PCDHGA5: variants seen among roughly 807,000 people sequenced by gnomAD.
The protein encoded by PCDHGA5 is protocadherin gamma-A5.
PCDHGA5 carries 36 observed loss-of-function variants against 56.7 expected under a neutral mutation model. The ratio of observed to expected loss-of-function variants is 0.64; its 90% confidence interval spans 0.49 to 0.84. The LOEUF (loss-of-function observed/expected upper bound fraction) is 0.84. PCDHGA5 is among the 40% of genes least tolerant of loss of function. PCDHGA5 has a pLI of 0.00. For synonymous variants in PCDHGA5, 563 were observed against 520.2 expected (o/e 1.08, Z -1.12); for missense variants, 1,305 against 1,201.5 (o/e 1.09, Z -1.27).
intron 1 of PCDHGA5, chr5:141,479,478 G>T (rs760475025): frequency 2.6e-5 from 4 of 152,408 alleles, no homozygotes; most frequent in African/African-American, 9.6e-5. Context: ...TCTTGGGAGG[G>T]CAGGACCATC....
In PCDHGA5 at chr5:141,511,360, T is replaced by C; in HGVS notation, c.*187T>C. The C allele has an allele frequency of 7.5e-7, 1 of 1,333,050 alleles. No individual in the cohort carries two copies. Among genetic ancestry groups the C allele is most frequent in the Non-Finnish European group, 1.0e-6 (1 of 994,882 alleles). 82.6% of individuals were successfully genotyped at this position (1,333,050 alleles called of 1,614,324 possible). On this transcript the variant is annotated 3_prime_UTR_variant, in exon 4 of 4. Transcript: ENST00000518069. ...ACCTACCCCTTCCCCCCCAGGGGGT[T>C]GAATATGCAAAAGCAGTTCCGCTGG...
chr5:141,427,481 C>G, intron 1 of PCDHGA5: 2 of 534,060 alleles, frequency 3.7e-6, no homozygotes, highest in Non-Finnish European at 7.2e-6. Flanking sequence ...CCAATAATGA[C>G]TATAAGCTTG....
At chr5:141,376,221 C>A (rs919176873) in intron 1 of PCDHGA5, 8 of 1,614,216 alleles carry the variant, frequency 5.0e-6, no homozygotes, top group Middle Eastern at 1.7e-4. Context: ...GTGCTGCTGG[C>A]GCTCAGACTG....
chr5:141,414,184 G>C (rs1228749194), intron 1 of PCDHGA5: 3 of 1,609,416 alleles, frequency 1.9e-6, no homozygotes, highest in Non-Finnish European at 2.5e-6. Flanking sequence ...AACTGCAAAA[G>C]TGTTGATTAC....
In PCDHGA5 at chr5:141,400,602, A is replaced by C; in HGVS notation, c.2421+33851A>C. 3.1e-6 allele frequency: 5 copies of C among 1,590,234 alleles called. No homozygotes were observed. In the South Asian group the frequency reaches 5.6e-5, roughly 18 times the overall value. ...TTACATGAAACTATCGTACATTTTCAAGTCCAATGAGTTGTCTTAGGGAAG... is the reference window on the plus strand; with the variant it reads ...TTACATGAAACTATCGTACATTTTCCAGTCCAATGAGTTGTCTTAGGGAAG... On this transcript the variant is annotated intron_variant, in intron 1 of 3. Transcript: ENST00000518069.
Position 141,476,231 on chromosome 5 carries a change from G to A in PCDHGA5, c.2422-18576G>A. The A allele has an allele frequency of 6.2e-7, 1 of 1,614,084 alleles. No individual in the cohort carries two copies. Among genetic ancestry groups the A allele is most frequent in the Non-Finnish European group, 8.5e-7 (1 of 1,180,034 alleles). On this transcript the variant is annotated intron_variant, in intron 1 of 3. Coordinates refer to ENST00000518069, the MANE Select transcript of PCDHGA5 (RefSeq NM_018918.3). The surrounding 1 kb of genome is among the most constrained non-coding windows in gnomAD (Gnocchi z 7.6). ...CACGGTCATTCACTATGAGATCCCG[G>A]AGGAAAGAGAGAAGGGTTTCGCTGT...
chr5:141,378,930 G>T (rs1588866145), intron 1 of PCDHGA5: 1 of 152,190 alleles, frequency 6.6e-6, no homozygotes, highest in East Asian at 1.9e-4. Flanking sequence ...GTAAGTTGAT[G>T]GCCCTGGAAT....
At chr5:141,444,152 A>ATTTTTTTTTTTTTTTTT (rs747671382) in intron 1 of PCDHGA5, among the ~76,000 whole-genome samples, 1 of 33,898 alleles carries the variant, frequency 3.0e-5, no homozygotes, top group African/African-American at 1.4e-4. Context: ...TGTGTACTGG[A>ATTTTTTTTTTTTTTTTT]TTTTTTTTTT....
rs70988800 is a variant in PCDHGA5 at position 141,379,889 on chromosome 5, C to CTTTTTTTTTT, written c.2421+13159_2421+13168dup. Among the ~76,000 whole-genome samples, 163 of 50,832 alleles carry CTTTTTTTTTT rather than the reference C, an allele frequency of 3.2e-3. 26 individuals carry two copies. The highest frequency in any genetic ancestry group is 6.0e-3 in the African/African-American group (90 of 15,084). The allele number at this position is 50,832 out of a possible 152,430, so 33.3% of individuals were successfully genotyped here. On this transcript the variant is annotated intron_variant, in intron 1 of 3. Transcript: ENST00000518069. ...CTTATTTTATGGTCTGTGAAAGCCTCTTTTTTTTTTTTTTTTTTTTTTTTT... is the reference window on the plus strand; with the variant it reads ...CTTATTTTATGGTCTGTGAAAGCCTCTTTTTTTTTTTTTTTTTTTTTTTTTTTTTTTTTTT...
rs767245444 is a variant in PCDHGA5, at chr5:141,393,478, G to A, written c.2421+26727G>A. 1 of 1,614,052 alleles carries A rather than the reference G, an allele frequency of 6.2e-7. No homozygotes were observed. On this transcript the variant is annotated intron_variant, in intron 1 of 3. Transcript: ENST00000518069. ...GCCTCGGATGGCGGCAAGCCGCCTC[G>A]CTCTAGCACAGTGCGCATCCACGTG... is the stretch of plus-strand genomic sequence containing the variant.
rs2233603 is a variant in PCDHGA5 at position 141,490,063 on chromosome 5, G to A, written c.2422-4744G>A. 1,259 of 1,614,208 alleles carry A rather than the reference G, an allele frequency of 7.8e-4. 6 individuals carry two copies. The African/African-American group carries it at 0.013, about 16-fold the overall frequency. On this transcript the variant is annotated intron_variant, in intron 1 of 3. Transcript: ENST00000518069. The surrounding 1 kb of genome is among the most constrained non-coding windows in gnomAD (Gnocchi z 5.4). ...CACTGATCCAGACGAGGGCACCAAC[G>A]GCCAACTAGACTATTCTTTTGGAGA...
chr5:141,420,251 G>A lies in PCDHGA5; in HGVS notation c.2421+53500G>A, dbSNP rs778777293. ...TAGCATTTTAACTCCCAGCGTTGAA[G>A]CAGATAAGAAGATTCTTAAACAGGT... is the stretch of plus-strand genomic sequence containing the variant. On this transcript the variant is annotated intron_variant, in intron 1 of 3. Transcript: ENST00000518069. The A allele has an allele frequency of 2.9e-5, 46 of 1,578,746 alleles. No homozygotes were observed. In the South Asian group the frequency reaches 4.5e-4, roughly 15 times the overall value.
In PCDHGA5 at chr5:141,487,954, T is replaced by C. The variant is rs2099669751; in HGVS notation, c.2422-6853T>C. On this transcript the variant is annotated intron_variant, in intron 1 of 3. Transcript: ENST00000518069. The surrounding 1 kb of genome is among the most constrained non-coding windows in gnomAD (Gnocchi z 5.0). ...GGGTACAGTGCACCAGGCAGTCACTTGGACAAAGGTGGCTGTTTTCTCTAC... is the reference window on the plus strand; with the variant it reads ...GGGTACAGTGCACCAGGCAGTCACTCGGACAAAGGTGGCTGTTTTCTCTAC... Among the ~76,000 whole-genome samples the C allele has an allele frequency of 6.6e-6, 1 of 152,182 alleles. No homozygotes were observed. The highest frequency in any genetic ancestry group is 1.5e-5 in the Non-Finnish European group (1 of 68,020).
rs2099383865 is a variant in PCDHGA5, at chr5:141,476,005, A to G, written c.2422-18802A>G. 1 of 1,267,576 alleles carries G rather than the reference A, an allele frequency of 7.9e-7. No homozygotes were observed. Among genetic ancestry groups the G allele is most frequent in the East Asian group, 2.3e-5 (1 of 42,864 alleles). 78.5% of individuals were successfully genotyped at this position (1,267,576 alleles called of 1,614,324 possible). A position where few individuals can be genotyped will look rare whatever the true frequency, so the allele number is the denominator to read the frequency against. ...CGGCGAGCAAATCAACGGCATCCAG[A>G]AAGCCATGTCGGACTCGGCGCCCAG... On this transcript the variant is annotated intron_variant, in intron 1 of 3. Coordinates refer to ENST00000518069, the MANE Select transcript of PCDHGA5 (RefSeq NM_018918.3). This position sits in a 1 kb window ranked among gnomAD's most constrained non-coding sequence, Gnocchi z 7.6.
At chr5:141,393,303 G>C in intron 1 of PCDHGA5, 1 of 1,613,764 alleles carries the variant, frequency 6.2e-7, no homozygotes, top group Non-Finnish European at 8.5e-7. Context: ...GGATGTGGGC[G>C]TGAACTCCCT....
At chr5:141,372,619 C>T in intron 1 of PCDHGA5, 1 of 1,613,968 alleles carries the variant, frequency 6.2e-7, no homozygotes, top group African/African-American at 1.3e-5. Flanking sequence ...GTTCTCCCCA[C>T]CTACAGCGAA....
chr5:141,433,592 T>C (rs1043652093), intron 1 of PCDHGA5, among the ~76,000 whole-genome samples: 5 of 152,020 alleles, frequency 3.3e-5, no homozygotes, highest in Non-Finnish European at 7.4e-5. Context: ...TCCCAGTACT[T>C]TGGGAGGCCG....
intron 1 of PCDHGA5, chr5:141,403,609 G>A (rs1434656385): frequency 6.2e-7 from 1 of 1,613,870 alleles, no homozygotes; most frequent in South Asian, 1.1e-5. Flanking sequence ...ATGGCGGCGA[G>A]CCGCGTCGCT....
intron 1 of PCDHGA5, among the ~76,000 whole-genome samples, chr5:141,444,058 C>A (rs2154560450): frequency 6.8e-6 from 1 of 147,774 alleles, no homozygotes; most frequent in East Asian, 2.0e-4. Context: ...CATCTTCAAT[C>A]TAGATTCTGA....
Sources: allele counts gnomAD v4.1 joint callset (sites outside exome capture counted in the v4.1 genomes callset), GRCh38; gene constraint gnomAD v4.1.1; non-coding constraint Gnocchi (gnomAD v3.1); transcripts MANE v1.5; gene names NCBI Gene and HGNC (gene_info 2026-07-23, HGNC 2026-07-21).